SGCZ: variants seen among roughly 807,000 people sequenced by gnomAD.
The protein encoded by SGCZ is sarcoglycan zeta.
A neutral mutation model predicts 41.3 loss-of-function variants in SGCZ; 40 were observed. The observed-to-expected ratio is 0.97, with a 90% CI of 0.75 to 1.26. The LOEUF is 1.26. Ranked by LOEUF, SGCZ falls within the 50% of genes most tolerant of loss-of-function variation. The pLI is 0.00. For missense variants in SGCZ, 552 were observed against 369.8 expected (o/e 1.49, Z -4.04); for synonymous variants, 206 against 137.5 (o/e 1.50, Z -3.49).
chr8:14,277,132 T>A (rs1411036214), intron 3 of SGCZ, among the ~76,000 whole-genome samples: 8 of 152,206 alleles, frequency 5.3e-5, no homozygotes, highest in Non-Finnish European at 1.2e-4. Context: ...CTATTTCTGG[T>A]TTCCTCTCAC....
At chr8:14,924,278 T>A (rs1005573224) in intron 1 of SGCZ, among the ~76,000 whole-genome samples, 1 of 152,232 alleles carries the variant, frequency 6.6e-6, no homozygotes. Flanking sequence ...AGTTCCTGTA[T>A]AGAAATGAAG....
chr8:14,285,035 T>C (rs925410896), intron 3 of SGCZ, among the ~76,000 whole-genome samples: 2 of 152,274 alleles, frequency 1.3e-5, no homozygotes, highest in African/African-American at 4.8e-5. Context: ...ATTGGACAGA[T>C]AGAGTGAGAG....
intron 2 of SGCZ, among the ~76,000 whole-genome samples, chr8:14,385,109 G>C (rs1263867662): frequency 1.3e-5 from 2 of 152,052 alleles, no homozygotes; most frequent in Non-Finnish European, 2.9e-5. Context: ...TAGGAATTGG[G>C]GTGACTGGTT....
intron 4 of SGCZ, among the ~76,000 whole-genome samples, chr8:14,195,012 T>A (rs914303962): frequency 1.3e-5 from 2 of 152,084 alleles, no homozygotes; most frequent in South Asian, 2.1e-4. Context: ...AGAATATTTA[T>A]AGAAACCCTA....
intron 1 of SGCZ, among the ~76,000 whole-genome samples, chr8:15,058,684 G>C (rs1357147888): frequency 2.0e-5 from 3 of 152,140 alleles, no homozygotes; most frequent in African/African-American, 7.2e-5. Flanking sequence ...CCAAATAGTT[G>C]TTGACAACTA....
chr8:14,784,913 A>ATAT (rs1554499019), intron 1 of SGCZ, among the ~76,000 whole-genome samples: 3,170 of 87,940 alleles, frequency 0.036, 134 homozygotes, highest in Non-Finnish European at 0.05. Context: ...AAAAAAAAAA[A>ATAT]ATATATATAT....
chr8:15,154,993 C>T (rs1799288850), intron 1 of SGCZ, among the ~76,000 whole-genome samples: 1 of 152,030 alleles, frequency 6.6e-6, no homozygotes, highest in African/African-American at 2.4e-5. Context: ...TTCCCAACAC[C>T]AAGAAATGAT....
chr8:14,654,408 A>G (rs1807495671), intron 1 of SGCZ, among the ~76,000 whole-genome samples: 1 of 152,046 alleles, frequency 6.6e-6, no homozygotes, highest in Admixed American at 6.6e-5. Context: ...CATGAAAATA[A>G]TAACAAAAAT....
At chr8:15,125,850 A>G (rs968921875) in intron 1 of SGCZ, among the ~76,000 whole-genome samples, 37 of 152,214 alleles carry the variant, frequency 2.4e-4, no homozygotes, top group Admixed American at 1.8e-3. Flanking sequence ...AGCACATGGT[A>G]AAGAAAATTT....
chr8:14,566,006 T>A (rs1251542524), intron 1 of SGCZ, among the ~76,000 whole-genome samples: 1 of 152,196 alleles, frequency 6.6e-6, no homozygotes, highest in Non-Finnish European at 1.5e-5. Context: ...ATAATAAATC[T>A]ATGGGAAATT....
At chr8:15,017,363 A>G (rs919787863) in intron 1 of SGCZ, among the ~76,000 whole-genome samples, 14 of 152,230 alleles carry the variant, frequency 9.2e-5, no homozygotes, top group African/African-American at 2.2e-4. Flanking sequence ...CTGCACACGT[A>G]CAGTGAGGCC....
chr8:14,989,555 G>A (rs193202177), intron 1 of SGCZ, among the ~76,000 whole-genome samples: 50 of 152,116 alleles, frequency 3.3e-4, no homozygotes, highest in African/African-American at 1.1e-3. Context: ...AGGTGGGTAA[G>A]CAACGTGCTC....
rs556896685 is a variant in SGCZ, at chr8:14,585,389, G to A, written c.40-30463C>T. 1.9e-4 allele frequency among the ~76,000 whole-genome samples: 29 copies of A among 152,076 alleles called. No individual in the cohort carries two copies. The South Asian group carries it at 5.8e-3, about 31-fold the overall frequency. ...GTATTTATTTTACCTTTGTAGTTCT[G>A]AAAATAATAAATTATAATGTTTATA... On this transcript the variant is annotated intron_variant, in intron 1 of 7. Coordinates refer to ENST00000382080, the MANE Select transcript of SGCZ (RefSeq NM_139167.4).
At chr8:14,913,790 G>T (rs1563358935) in intron 1 of SGCZ, among the ~76,000 whole-genome samples, 1 of 152,018 alleles carries the variant, frequency 6.6e-6, no homozygotes, top group Non-Finnish European at 1.5e-5. Flanking sequence ...TAGGAAAATG[G>T]CACCAGGCAA....
At chr8:14,909,401 G>T (rs180906504) in intron 1 of SGCZ, among the ~76,000 whole-genome samples, 1 of 151,984 alleles carries the variant, frequency 6.6e-6, no homozygotes. Context: ...GTGTTTTAAC[G>T]TTACAACGTA....
chr8:15,212,579 C>G (rs1011627647), intron 1 of SGCZ, among the ~76,000 whole-genome samples: 12 of 152,124 alleles, frequency 7.9e-5, no homozygotes, highest in African/African-American at 2.6e-4. Flanking sequence ...AGAGCCTTGG[C>G]TACAGCTGGA....
At chr8:14,327,870 T>A (rs184340934) in intron 2 of SGCZ, among the ~76,000 whole-genome samples, 159 of 152,270 alleles carry the variant, frequency 1.0e-3, no homozygotes, top group African/African-American at 3.5e-3. Flanking sequence ...AACCTCCACC[T>A]CCCAGGTTCA....
intron 2 of SGCZ, among the ~76,000 whole-genome samples, chr8:14,440,091 T>C (rs1040203296): frequency 2.6e-5 from 4 of 152,142 alleles, no homozygotes; most frequent in Non-Finnish European, 5.9e-5. Context: ...ACTGTGTTCT[T>C]ATAAGCCAGT....
chr8:15,127,261 AACACAC>A (rs376177614), intron 1 of SGCZ, among the ~76,000 whole-genome samples: 5 of 55,368 alleles, frequency 9.0e-5, no homozygotes, highest in African/African-American at 2.9e-4. Flanking sequence ...CACACAAACA[AACACAC>A]ACACACACAC....
Sources: allele counts gnomAD v4.1 joint callset (sites outside exome capture counted in the v4.1 genomes callset), GRCh38; gene constraint gnomAD v4.1.1; transcripts MANE v1.5; gene names NCBI Gene and HGNC (gene_info 2026-07-23, HGNC 2026-07-21).